Variants in DTL observed in about 807,000 individuals in gnomAD.
The protein encoded by DTL is denticleless E3 ubiquitin protein ligase adapter, also known as denticleless protein homolog.
A neutral mutation model predicts 87.0 loss-of-function variants in DTL; 46 were observed. The observed-to-expected ratio is 0.53, with a 90% CI of 0.42 to 0.68. The LOEUF is 0.68. DTL is among the 30% of genes least tolerant of loss of function. The pLI is 0.00. For missense variants in DTL, 737 were observed against 869.4 expected (o/e 0.85, Z 1.91); for synonymous variants, 308 against 311.2 (o/e 0.99, Z 0.11).
chr1:212,094,583 G>GTTCCATAT (rs746611740), intron 13 of DTL, among the ~76,000 whole-genome samples: 1 of 152,092 alleles, frequency 6.6e-6, no homozygotes, highest in Non-Finnish European at 1.5e-5. Flanking sequence ...TGGCTATGTG[G>GTTCCATAT]GCTGTTTTTT....
intron 5 of DTL, among the ~76,000 whole-genome samples, chr1:212,049,795 C>T (rs913249007): frequency 7.2e-5 from 11 of 152,028 alleles, no homozygotes; most frequent in Non-Finnish European, 1.0e-4. Context: ...CTTGGGCCTT[C>T]ATTTTCTAAT....
intron 13 of DTL, among the ~76,000 whole-genome samples, chr1:212,097,066 G>A (rs1374638613): frequency 3.3e-5 from 5 of 152,116 alleles, no homozygotes; most frequent in African/African-American, 1.2e-4. Context: ...TTCTCTCAGC[G>A]TTTGAAAAAG....
rs2102589969 is a variant in DTL at position 212,101,042 on chromosome 1, AC to A, written c.2055del (p.Asn686IlefsTer21). ...PSPRSPSSQT[P>X]NSRRQSGKKL... ...CTCCACGAAGTCCGTCATCCCAGAC[AC>A]CCAATTCCAGGAGACAGAGCGGAAA... On this transcript the variant is annotated frameshift_variant, in exon 14 of 15. Coordinates refer to ENST00000366991, the MANE Select transcript of DTL (RefSeq NM_016448.4). LOFTEE classifies it high-confidence loss of function. 1 of 1,613,200 alleles carries A rather than the reference AC, an allele frequency of 6.2e-7. No homozygotes were observed. The highest frequency in any genetic ancestry group is 2.2e-5 in the East Asian group (1 of 44,862).
intron 5 of DTL, among the ~76,000 whole-genome samples, chr1:212,049,005 C>G (rs577725666): frequency 6.6e-6 from 1 of 152,294 alleles, no homozygotes; most frequent in East Asian, 1.9e-4. Flanking sequence ...TCACTGCAAC[C>G]TCCACCTCCC....
intron 5 of DTL, among the ~76,000 whole-genome samples, chr1:212,050,950 T>G (rs548068066): frequency 6.6e-6 from 1 of 152,148 alleles, no homozygotes; most frequent in African/African-American, 2.4e-5. Flanking sequence ...TGGTCTTTTA[T>G]AGAATTTCAA....
chr1:212,098,848 C>T (rs576176624), intron 13 of DTL, among the ~76,000 whole-genome samples: 2 of 152,236 alleles, frequency 1.3e-5, no homozygotes, highest in South Asian at 4.2e-4. Context: ...GCAAGCAGGG[C>T]TGTTAGGCCT....
chr1:212,075,852 C>T (rs1482892646), intron 11 of DTL, among the ~76,000 whole-genome samples: 5 of 152,088 alleles, frequency 3.3e-5, no homozygotes, highest in South Asian at 2.1e-4. Context: ...GAAAAAAACC[C>T]GTGTCCTTTA....
intron 4 of DTL, 36 bp downstream of exon 4, chr1:212,047,248 A>G (rs774233394): frequency 2.5e-6 from 4 of 1,614,180 alleles, no homozygotes; most frequent in Admixed American, 1.7e-5. Context: ...CTGGGTAAAT[A>G]CTGATAAGGG....
Position 212,044,710 on chromosome 1 carries a change from C to T in DTL, c.229C>T (p.Arg77Ter), listed in dbSNP as rs144767115. The T allele has an allele frequency of 3.1e-6, 5 of 1,612,930 alleles. No individual in the cohort carries two copies. The highest frequency in any genetic ancestry group is 4.2e-6 in the Non-Finnish European group (5 of 1,179,388). ...AGTTGCCAATGAAGAAGGCTTTGTT[C>T]GATTGTATAACACAGAATCACAAAG... Reference protein sequence around the residue: ...LAVANEEGFVRLYNTESQSFR... With the variant: ...LAVANEEGFV The change falls in exon 3 of 15, where the codon CGA becomes TGA. Residue 77 changes from arginine to a stop codon, truncating the protein, a stop_gained. Coordinates refer to ENST00000366991, the MANE Select transcript of DTL (RefSeq NM_016448.4). LOFTEE classifies it high-confidence loss of function.
intron 13 of DTL, among the ~76,000 whole-genome samples, chr1:212,087,439 A>C (rs930246338): frequency 3.3e-5 from 5 of 151,944 alleles, no homozygotes; most frequent in African/African-American, 1.2e-4. Flanking sequence ...AGTCCCAGCT[A>C]CTCGGGAGGC....
chr1:212,078,711 A>C (rs1654906160), intron 12 of DTL, among the ~76,000 whole-genome samples: 1 of 152,188 alleles, frequency 6.6e-6, no homozygotes, highest in Non-Finnish European at 1.5e-5. Flanking sequence ...ATGTTAGGTT[A>C]TCTATTGCTT....
At chr1:212,078,026 T>G (rs1571969088) in intron 11 of DTL, 147 bp from the exon 12 acceptor site, 1 of 6,972 alleles carries the variant, frequency 1.4e-4, no homozygotes, top group Non-Finnish European at 3.7e-4. Context: ...AAATCTGTTG[T>G]TTTTTTTTTC....
intron 5 of DTL, among the ~76,000 whole-genome samples, chr1:212,049,903 C>T (rs1291798655): frequency 4.0e-5 from 6 of 151,296 alleles, no homozygotes; most frequent in Non-Finnish European, 8.8e-5. Context: ...AATCTGAGCT[C>T]ATTATGGTGG....
Position 212,096,466 on chromosome 1 carries a change from T to C in DTL, c.1262-3786T>C, listed in dbSNP as rs144252793. Among the ~76,000 whole-genome samples the C allele has an allele frequency of 9.6e-3, 1,464 of 152,314 alleles. 29 individuals are homozygous for C. Among genetic ancestry groups the C allele is most frequent in the African/African-American group, 0.033 (1,371 of 41,570 alleles). On this transcript the variant is annotated intron_variant, in intron 13 of 14. Transcript: ENST00000366991. ...CTAGTTCTTGAGGTGTGACCTTAGATTGTCAATTTGTGCTCTTTCAGACTT... is the reference window on the plus strand; with the variant it reads ...CTAGTTCTTGAGGTGTGACCTTAGACTGTCAATTTGTGCTCTTTCAGACTT...
At chr1:212,091,607 T>C (rs536934608) in intron 13 of DTL, among the ~76,000 whole-genome samples, 2 of 152,088 alleles carry the variant, frequency 1.3e-5, no homozygotes, top group Non-Finnish European at 2.9e-5. Flanking sequence ...TATTCAGCCT[T>C]GAAAAAGAAG....
intron 13 of DTL, among the ~76,000 whole-genome samples, chr1:212,093,894 C>T (rs1055908852): frequency 2.0e-5 from 3 of 152,168 alleles, no homozygotes; most frequent in Admixed American, 1.3e-4. Flanking sequence ...CTTCTTCTGC[C>T]CAACACTTCC....
chr1:212,102,122 A>T (rs1655642242), intron 14 of DTL, among the ~76,000 whole-genome samples: 1 of 152,216 alleles, frequency 6.6e-6, no homozygotes. Flanking sequence ...ATGAAGACCT[A>T]TCCCATAATT....
chr1:212,063,323 C>CT (rs1215739375), intron 6 of DTL, among the ~76,000 whole-genome samples: 1 of 147,700 alleles, frequency 6.8e-6, no homozygotes, highest in African/African-American at 2.5e-5. Flanking sequence ...GATGGAGTCT[C>CT]TGTCACCCAG....
chr1:212,103,037 A>C lies in DTL; in HGVS notation c.*97A>C. 1.6e-6 allele frequency: 1 copy of C among 629,698 alleles called. No homozygotes were observed. The highest frequency in any genetic ancestry group is 2.6e-5 in the South Asian group (1 of 38,918). The allele number at this position is 629,698 out of a possible 1,614,324, so 39.0% of individuals were successfully genotyped here. On this transcript the variant is annotated 3_prime_UTR_variant, in exon 15 of 15. Coordinates refer to ENST00000366991, the MANE Select transcript of DTL (RefSeq NM_016448.4). ...TGAAAAATACAAGAGTGACTCTATA[A>C]CTCTGGTCTTTAAGAAAGCTGCCTT...
Sources: allele counts gnomAD v4.1 joint callset (sites outside exome capture counted in the v4.1 genomes callset), GRCh38; gene constraint gnomAD v4.1.1; transcripts MANE v1.5; gene names NCBI Gene and HGNC (gene_info 2026-07-23, HGNC 2026-07-21).